SH3BP4: variants seen among roughly 807,000 people sequenced by gnomAD.
SH3BP4 encodes the protein SH3 domain binding protein 4.
A neutral mutation model predicts 65.5 loss-of-function variants in SH3BP4; 33 were observed. That is an observed-to-expected ratio of 0.50 (90% confidence interval 0.38 to 0.67). SH3BP4 has a LOEUF of 0.67. Among genes scored for constraint, SH3BP4 ranks in the 30% least tolerant of loss-of-function variants. The probability of loss-of-function intolerance (pLI) is 0.00; values close to 1 mark genes in which losing one functional copy is unlikely to be tolerated. For missense variants in SH3BP4, 1,134 were observed against 1,261.4 expected, an observed-to-expected ratio of 0.90 and a Z score of 1.53; for synonymous variants, 552 against 545.5, an observed-to-expected ratio of 1.01 and a Z score of -0.17.
intron 1 of SH3BP4, chr2:234,953,211 G>C (rs1282285433): frequency 6.6e-6 from 1 of 152,262 alleles, no homozygotes; most frequent in Non-Finnish European, 1.5e-5. Context: ...CAGAAACAAT[G>C]TATGCTCAGG....
chr2:235,041,284 A>C lies in SH3BP4; in HGVS notation c.515A>C (p.Asn172Thr). The change falls in exon 4 of 6, where the codon AAT becomes ACT. Residue 172 changes from asparagine (N) to threonine (T), a missense_variant. By Grantham distance (65) the Asn-to-Thr change is moderately conservative (BLOSUM62 0). Transcript: ENST00000392011. The surrounding 1 kb of genome is among the most constrained non-coding windows in gnomAD (Gnocchi z 6.0). ...GGGGTCCAGACCAATCCATTTCTGA[A>C]TGGGAACGTGCCCGTCATGCCCAGC... Reference protein sequence around the residue: ...WNGVQTNPFLNGNVPVMPSLD... With the variant: ...WNGVQTNPFLTGNVPVMPSLD... 6.2e-7 allele frequency: 1 copy of C among 1,614,198 alleles called. No individual in the cohort carries two copies. Among genetic ancestry groups the C allele is most frequent in the Non-Finnish European group, 8.5e-7 (1 of 1,180,042 alleles).
At chr2:235,003,440 A>T (rs1453754036) in intron 2 of SH3BP4, among the ~76,000 whole-genome samples, 1 of 152,250 alleles carries the variant, frequency 6.6e-6, no homozygotes, top group East Asian at 1.9e-4. Flanking sequence ...AGGTCGGGGC[A>T]TGAGAGCAGA....
chr2:234,988,168 T>C (rs1355867976), intron 1 of SH3BP4, among the ~76,000 whole-genome samples: 1 of 152,150 alleles, frequency 6.6e-6, no homozygotes, highest in Non-Finnish European at 1.5e-5. Context: ...CAAGCAATTC[T>C]CCTGCCTCAG....
At chr2:234,979,648 T>A (rs994007168) in intron 1 of SH3BP4, 1 of 152,278 alleles carries the variant, frequency 6.6e-6, no homozygotes, top group South Asian at 2.1e-4. Flanking sequence ...TAGAACTTCT[T>A]CCTTGACAAC....
Position 235,054,258 on chromosome 2 carries a change from C to T in SH3BP4, c.*442C>T, listed in dbSNP as rs914150384. 1.9e-5 allele frequency: 3 copies of T among 157,024 alleles called. No homozygotes were observed. The highest frequency in any genetic ancestry group is 2.8e-5 in the Non-Finnish European group (2 of 70,640). 9.7% of individuals were successfully genotyped at this position (157,024 alleles called of 1,614,324 possible). A position where few individuals can be genotyped will look rare whatever the true frequency, so the allele number is the denominator to read the frequency against. Reference sequence around the variant, plus strand: ...ACTGGGAGCGTTTCTGATTCCCGGCCACACTTTGCATTTCAACACTCAGCC... The same window carrying T: ...ACTGGGAGCGTTTCTGATTCCCGGCTACACTTTGCATTTCAACACTCAGCC... On this transcript the variant is annotated 3_prime_UTR_variant, in exon 6 of 6. Coordinates refer to ENST00000392011, the MANE Select transcript of SH3BP4 (RefSeq NM_014521.3).
chr2:234,991,582 C>T lies in SH3BP4; in HGVS notation c.-206-3721C>T, dbSNP rs575148249. 1.3e-5 allele frequency among the ~76,000 whole-genome samples: 2 copies of T among 152,286 alleles called. No homozygotes were observed. Among genetic ancestry groups the T allele is most frequent in the South Asian group, 2.1e-4 (1 of 4,826 alleles). The stretch of plus-strand genomic sequence containing the variant: ...CTAATTCCATCCACCCACGCTAAAC[C>T]GTGTGGTTTTCTTGGGGCCCCTGAA... On this transcript the variant is annotated intron_variant, in intron 1 of 5. Coordinates refer to ENST00000392011, the MANE Select transcript of SH3BP4 (RefSeq NM_014521.3). This position sits in a 1 kb window ranked among gnomAD's most constrained non-coding sequence, Gnocchi z 4.2.
chr2:235,024,568 C>G (rs1435427187), intron 2 of SH3BP4, among the ~76,000 whole-genome samples: 1 of 152,090 alleles, frequency 6.6e-6, no homozygotes, highest in African/African-American at 2.4e-5. Flanking sequence ...GCCGCCTCCC[C>G]CTCTCCAGCC....
rs76637275 is a variant in SH3BP4, at chr2:234,991,623, A to G, written c.-206-3680A>G. 0.051 allele frequency among the ~76,000 whole-genome samples: 7,793 copies of G among 152,208 alleles called. 711 individuals carry two copies. The highest frequency in any genetic ancestry group is 0.42 in the East Asian group (2,190 of 5,154). On this transcript the variant is annotated intron_variant, in intron 1 of 5. Transcript: ENST00000392011. This position sits in a 1 kb window ranked among gnomAD's most constrained non-coding sequence, Gnocchi z 4.2. ...GGCCCCTGAAGACTGACGGGTCCAC[A>G]CTGGTGTCTGGTGGTGCCCACAGGA...
chr2:234,981,484 G>A (rs773968867), intron 1 of SH3BP4: 40 of 152,378 alleles, frequency 2.6e-4, no homozygotes, highest in Admixed American at 1.0e-3. Context: ...TCTGCAGTTT[G>A]TCTTAGGCCC....
At chr2:235,027,382 G>A (rs890257437) in intron 2 of SH3BP4, among the ~76,000 whole-genome samples, 8 of 138,666 alleles carry the variant, frequency 5.8e-5, no homozygotes, top group African/African-American at 2.1e-4. Flanking sequence ...CTATAGCAAC[G>A]GGGTCCAAAG....
chr2:234,979,871 A>G (rs537792575), intron 1 of SH3BP4: 1 of 152,120 alleles, frequency 6.6e-6, no homozygotes, highest in East Asian at 1.9e-4. Flanking sequence ...TAGCCTTGAG[A>G]TGACACCCCA....
chr2:234,984,594 T>G (rs1050565389), intron 1 of SH3BP4, among the ~76,000 whole-genome samples: 3 of 152,170 alleles, frequency 2.0e-5, no homozygotes, highest in Non-Finnish European at 4.4e-5. Context: ...AATATTTGCT[T>G]GGCTTTCTAA....
chr2:234,984,651 A>G (rs1693491346), intron 1 of SH3BP4, among the ~76,000 whole-genome samples: 1 of 152,192 alleles, frequency 6.6e-6, no homozygotes, highest in African/African-American at 2.4e-5. Context: ...CTTTGACCAG[A>G]ACCGACTGAG....
In SH3BP4 at chr2:234,954,777, A is replaced by C. The variant is rs541438888; in HGVS notation, c.-207+2607A>C. On this transcript the variant is annotated intron_variant, in intron 1 of 5. Coordinates refer to ENST00000392011, the MANE Select transcript of SH3BP4 (RefSeq NM_014521.3). ...TTAAATCCTGGGATCCTGGCCAGTT[A>C]AGAGCCCCTGGCTCCCCTGAAATTG... Among the ~76,000 whole-genome samples, 12 of 152,194 alleles carry C rather than the reference A, an allele frequency of 7.9e-5. No homozygotes were observed. The South Asian group carries it at 2.3e-3, about 29-fold the overall frequency.
Position 235,053,468 on chromosome 2 carries a change from C to A in SH3BP4, c.2668-124C>A, listed in dbSNP as rs191143165. 8 of 706,378 alleles carry A rather than the reference C, an allele frequency of 1.1e-5. No individual in the cohort carries two copies. In the East Asian group the frequency reaches 1.9e-4, roughly 17 times the overall value. The allele number at this position is 706,378 out of a possible 1,614,324, so 43.8% of individuals were successfully genotyped here. A position where few individuals can be genotyped will look rare whatever the true frequency, so the allele number is the denominator to read the frequency against. On this transcript the variant is annotated intron_variant, in intron 5 of 5. Transcript: ENST00000392011. ...GTTTCTTCTGTGGGCTTGTCTCACT[C>A]GTGAAAGAGTGTCCCAAATAGTGAC...
At position 234,957,615 on chromosome 2, in the gene SH3BP4, G is replaced by A. The variant is rs553948467; in HGVS notation, c.-207+5445G>A. 7.3e-5 allele frequency among the ~76,000 whole-genome samples: 11 copies of A among 151,700 alleles called. No individual in the cohort carries two copies. In the East Asian group the frequency reaches 9.8e-4, roughly 14 times the overall value. On this transcript the variant is annotated intron_variant, in intron 1 of 5. Coordinates refer to ENST00000392011, the MANE Select transcript of SH3BP4 (RefSeq NM_014521.3). ...CTCAGGCTGCATTTTAAAATCACCCGGGAGCTTAAAAAAACAACAATCCAT... is the reference window on the plus strand; with the variant it reads ...CTCAGGCTGCATTTTAAAATCACCCAGGAGCTTAAAAAAACAACAATCCAT...
At chr2:235,014,340 CCT>C (rs1694620059) in intron 2 of SH3BP4, among the ~76,000 whole-genome samples, 1 of 152,090 alleles carries the variant, frequency 6.6e-6, no homozygotes, top group South Asian at 2.1e-4. Flanking sequence ...GGGAGCTTAC[CCT>C]CTGTGTGCTC....
intron 4 of SH3BP4, among the ~76,000 whole-genome samples, chr2:235,049,247 G>A (rs1015244561): frequency 6.6e-6 from 1 of 152,204 alleles, no homozygotes. Flanking sequence ...GAACACCTGT[G>A]TTTCCCAGGA....
chr2:235,045,015 G>A lies in SH3BP4; in HGVS notation c.2478+1768G>A, dbSNP rs574414096. The stretch of plus-strand genomic sequence containing the variant: ...GGAAGCCTCCGGGCCCCCATGTGGG[G>A]TCACCTGCAGGGAGGGGATGGCCTG... On this transcript the variant is annotated intron_variant, in intron 4 of 5. Coordinates refer to ENST00000392011, the MANE Select transcript of SH3BP4 (RefSeq NM_014521.3). The surrounding 1 kb of genome is among the most constrained non-coding windows in gnomAD (Gnocchi z 4.3). Among the ~76,000 whole-genome samples the A allele has an allele frequency of 6.6e-6, 1 of 152,202 alleles. No homozygotes were observed. The highest frequency in any genetic ancestry group is 2.4e-5 in the African/African-American group (1 of 41,448).
Sources: allele counts gnomAD v4.1 joint callset (sites outside exome capture counted in the v4.1 genomes callset), GRCh38; gene constraint gnomAD v4.1.1; non-coding constraint Gnocchi (gnomAD v3.1); transcripts MANE v1.5; gene names NCBI Gene and HGNC (gene_info 2026-07-23, HGNC 2026-07-21).